Variants in CCDC27 observed in about 807,000 individuals in gnomAD.
CCDC27 encodes the protein coiled-coil domain-containing protein 27.
A neutral mutation model predicts 80.3 loss-of-function variants in CCDC27; 80 were observed. That is an observed-to-expected ratio of 1.00 (90% CI 0.83 to 1.20). The LOEUF is 1.20. CCDC27 is among the 50% of genes most tolerant of loss of function. The pLI, the probability that CCDC27 is intolerant of heterozygous loss-of-function variation, is 0.00. For missense variants in CCDC27, 815 were observed against 809.4 expected (o/e 1.01, Z -0.08); for synonymous variants, 342 against 334.3 (o/e 1.02, Z -0.25).
chr1:3,765,456 C>T (rs969380693), intron 8 of CCDC27, among the ~76,000 whole-genome samples: 5 of 152,154 alleles, frequency 3.3e-5, no homozygotes, highest in African/African-American at 1.2e-4. Flanking sequence ...CCTCCTGTCC[C>T]GCTCTTGTTT....
At chr1:3,757,235 C>T (rs1642979573) in intron 4 of CCDC27, 1 of 169,080 alleles carries the variant, frequency 5.9e-6, no homozygotes, top group Non-Finnish European at 1.3e-5. Context: ...GATTTATGCA[C>T]AAGTTGATTC....
At chr1:3,770,480 G>A (rs1374376335) in intron 11 of CCDC27, among the ~76,000 whole-genome samples, 1 of 152,202 alleles carries the variant, frequency 6.6e-6, no homozygotes, top group East Asian at 1.9e-4. Flanking sequence ...GCCTCCCTCT[G>A]TGATGGACAG....
At chr1:3,767,710 G>T (rs937132601) in intron 10 of CCDC27, among the ~76,000 whole-genome samples, 1 of 152,266 alleles carries the variant, frequency 6.6e-6, no homozygotes, top group East Asian at 1.9e-4. Context: ...GCGGGTCTTG[G>T]GTTGCATTGT....
At position 3,763,896 on chromosome 1, in the gene CCDC27, C is replaced by G. The variant is rs1024734306; in HGVS notation, c.1452+60C>G. ...GAGCATGGGCCCCAGGCTTCATTAA[C>G]CCCCGGCAGCTCGGGGCAGGCGCTG... On this transcript the variant is annotated intron_variant, in intron 8 of 11. Transcript: ENST00000294600. This position sits in a 1 kb window ranked among gnomAD's most constrained non-coding sequence, Gnocchi z 7.5. 8.2e-5 allele frequency: 130 copies of G among 1,585,226 alleles called. No homozygotes were observed. Among genetic ancestry groups the G allele is most frequent in the South Asian group, 1.4e-4 (12 of 88,726 alleles).
rs772610990 is a variant in CCDC27 at position 3,771,484 on chromosome 1, C to T, written c.1932C>T (p.Ala644=). The change falls in exon 12 of 12, where the codon GCC becomes GCT. Residue 644 remains alanine, a synonymous_variant. Transcript: ENST00000294600. ...TGCCCCCCCTGCAACAGTCAGAGGC[C>T]TTCCTGACCAGCAAATCCAAGAAGG... ...VKVPPLQQSE[A]FLTSKSKKGT... The T allele has an allele frequency of 6.2e-7, 1 of 1,613,988 alleles. No individual in the cohort carries two copies. Among genetic ancestry groups the T allele is most frequent in the South Asian group, 1.1e-5 (1 of 91,080 alleles).
Position 3,763,389 on chromosome 1 carries a change from G to A in CCDC27, c.1236G>A (p.Leu412=), listed in dbSNP as rs766550723. 1 of 1,613,016 alleles carries A rather than the reference G, an allele frequency of 6.2e-7. No homozygotes were observed. Among genetic ancestry groups the A allele is most frequent in the Non-Finnish European group, 8.5e-7 (1 of 1,179,986 alleles). The change falls in exon 7 of 12, where the codon CTG becomes CTA. Residue 412 remains leucine, a synonymous_variant. Coordinates refer to ENST00000294600, the MANE Select transcript of CCDC27 (RefSeq NM_152492.3). The surrounding 1 kb of genome is among the most constrained non-coding windows in gnomAD (Gnocchi z 7.5). ...CCGAGTCGTTTGAGGAGGAGCTGCT[G>A]GCCCAGCTGGAGGAGTACGAGCAGG... is the stretch of plus-strand genomic sequence containing the variant. The part of the protein sequence containing the change: ...SLAESFEEEL[L]AQLEEYEQVI...
chr1:3,758,134 A>C (rs1411434945), intron 4 of CCDC27, among the ~76,000 whole-genome samples: 1 of 152,156 alleles, frequency 6.6e-6, no homozygotes, highest in Non-Finnish European at 1.5e-5. Flanking sequence ...AGAATTTGCC[A>C]TTGAAGGCTT....
In CCDC27 at chr1:3,760,825, G is replaced by A. The variant is rs563167029; in HGVS notation, c.712-456G>A. Among the ~76,000 whole-genome samples, 77 of 152,158 alleles carry A rather than the reference G, an allele frequency of 5.1e-4. No individual in the cohort carries two copies. The highest frequency in any genetic ancestry group is 1.7e-3 in the African/African-American group (70 of 41,484). ...CATCTTTATTTTTGTCTTTAATTTT[G>A]AAGAATTGAGGGAGTTGAGATTCTG... On this transcript the variant is annotated intron_variant, in intron 4 of 11. Transcript: ENST00000294600. The surrounding 1 kb of genome is among the most constrained non-coding windows in gnomAD (Gnocchi z 4.3).
rs1316366693 is a variant in CCDC27, at chr1:3,770,256, C to T, written c.1848+369C>T. ...CGGCTTTGTCCAGCTTGGTCCCCTC[C>T]GCTGGTATCACCACCCACTGATCCA... On this transcript the variant is annotated intron_variant, in intron 11 of 11. Transcript: ENST00000294600. Among the ~76,000 whole-genome samples the T allele has an allele frequency of 2.6e-5, 4 of 152,318 alleles. No homozygotes were observed. In the East Asian group the frequency reaches 5.8e-4, roughly 22 times the overall value.
At position 3,763,887 on chromosome 1, in the gene CCDC27, C is replaced by T; in HGVS notation, c.1452+51C>T. The T allele has an allele frequency of 6.3e-7, 1 of 1,597,312 alleles. No individual in the cohort carries two copies. The highest frequency in any genetic ancestry group is 2.2e-5 in the East Asian group (1 of 44,532). ...CCGCTCCATGAGCATGGGCCCCAGG[C>T]TTCATTAACCCCCGGCAGCTCGGGG... is the stretch of plus-strand genomic sequence containing the variant. On this transcript the variant is annotated intron_variant, in intron 8 of 11. Coordinates refer to ENST00000294600, the MANE Select transcript of CCDC27 (RefSeq NM_152492.3). This position sits in a 1 kb window ranked among gnomAD's most constrained non-coding sequence, Gnocchi z 7.5.
rs566742361 is a variant in CCDC27 at position 3,771,326 on chromosome 1, G to T, written c.1849-75G>T. On this transcript the variant is annotated intron_variant, in intron 11 of 11. Transcript: ENST00000294600. ...GGGTGGCGTCCCGGGCAGCTGGCAC[G>T]GACTGTGCAGACCGGCCTCAAGGCC... 1.1e-4 allele frequency: 173 copies of T among 1,596,572 alleles called. No individual in the cohort carries two copies. In the African/African-American group the frequency reaches 1.1e-3, roughly 10 times the overall value.
chr1:3,764,561 T>C (rs1643181778), intron 8 of CCDC27, among the ~76,000 whole-genome samples: 1 of 152,208 alleles, frequency 6.6e-6, no homozygotes, highest in Non-Finnish European at 1.5e-5. Flanking sequence ...ACAATCAATG[T>C]TGCACTGACA....
intron 6 of CCDC27, 189 bp from the exon 7 acceptor site, chr1:3,762,919 C>T: frequency 1.2e-6 from 1 of 819,380 alleles, no homozygotes; most frequent in Non-Finnish European, 1.9e-6. Context: ...GAGGGAGGAC[C>T]CGTGACAGAG....
rs910460069 is a variant in CCDC27, at chr1:3,767,303, G to A, written c.1601G>A (p.Ser534Asn). ...CVISELDTKVSQLQEQVELDQ... is the reference protein window; with the variant it reads ...CVISELDTKVNQLQEQVELDQ... ...ATCTCAGAGTTGGACACCAAGGTCA[G>A]CCAGCTGCAGGAGCAGGTGGAACTG... Residue 534 changes from serine to asparagine, a missense_variant, in exon 10 of 12, where the codon AGC (serine) becomes AAC (asparagine). Transcript: ENST00000294600. 1.9e-5 allele frequency: 30 copies of A among 1,613,948 alleles called. No individual in the cohort carries two copies. The highest frequency in any genetic ancestry group is 2.5e-5 in the Non-Finnish European group (29 of 1,180,018).
chr1:3,767,656 T>C (rs1255400370), intron 10 of CCDC27, among the ~76,000 whole-genome samples: 1 of 152,130 alleles, frequency 6.6e-6, no homozygotes, highest in African/African-American at 2.4e-5. Flanking sequence ...AGCCCGGAAA[T>C]GTTCGTCAAT....
rs76416341 is a variant in CCDC27, at chr1:3,763,219, T to C, written c.1066T>C (p.Trp356Arg). 0.011 allele frequency: 17,549 copies of C among 1,539,962 alleles called. 367 individuals are homozygous for C. The highest frequency in any genetic ancestry group is 0.086 in the African/African-American group (6,264 of 73,200). The change falls in exon 7 of 12, where the codon TGG becomes CGG. Residue 356 changes from tryptophan to arginine, a missense_variant. Coordinates refer to ENST00000294600, the MANE Select transcript of CCDC27 (RefSeq NM_152492.3). This position sits in a 1 kb window ranked among gnomAD's most constrained non-coding sequence, Gnocchi z 7.5. ...CGATGGGGTGGAGGACACGGGTGCCTGGGGAGGTGTGAGCCAGATGGGATC... is the reference window on the plus strand; with the variant it reads ...CGATGGGGTGGAGGACACGGGTGCCCGGGGAGGTGTGAGCCAGATGGGATC... ...EPDGVEDTGA[W>R]GGVSQMGSVH...
chr1:3,759,435 GGCTGCCTTGT>G (rs2124592456), intron 4 of CCDC27, among the ~76,000 whole-genome samples: 1 of 152,298 alleles, frequency 6.6e-6, no homozygotes, highest in African/African-American at 2.4e-5. Flanking sequence ...TTCCCGACGT[GGCTGCCTTGT>G]GCCTCCTTTC....
Position 3,754,253 on chromosome 1 carries a change from C to G in CCDC27, c.442+12C>G, listed in dbSNP as rs188540862. 1.3e-6 allele frequency: 2 copies of G among 1,568,300 alleles called. No individual in the cohort carries two copies. On this transcript the variant is annotated intron_variant, in intron 2 of 11. Coordinates refer to ENST00000294600, the MANE Select transcript of CCDC27 (RefSeq NM_152492.3). ...CATGTCCCACTGTGGTAAGAGCCCCCCACCAGGACCGCCTGTGAAACTGCC... is the reference window on the plus strand; with the variant it reads ...CATGTCCCACTGTGGTAAGAGCCCCGCACCAGGACCGCCTGTGAAACTGCC...
intron 4 of CCDC27, among the ~76,000 whole-genome samples, chr1:3,758,142 C>T (rs901416702): frequency 2.0e-5 from 3 of 152,212 alleles, no homozygotes; most frequent in African/African-American, 7.2e-5. Context: ...CCATTGAAGG[C>T]TTCTGTGTCT....
Sources: allele counts gnomAD v4.1 joint callset (sites outside exome capture counted in the v4.1 genomes callset), GRCh38; gene constraint gnomAD v4.1.1; non-coding constraint Gnocchi (gnomAD v3.1); transcripts MANE v1.5; gene names NCBI Gene and HGNC (gene_info 2026-07-23, HGNC 2026-07-21).